PTCD3: variants seen among roughly 807,000 people sequenced by gnomAD.
PTCD3 encodes the protein pentatricopeptide repeat domain 3.
PTCD3 carries 89 observed loss-of-function variants against 101.9 expected under a neutral mutation model. The ratio of observed to expected loss-of-function variants is 0.87; its 90% CI spans 0.74 to 1.04. The LOEUF is 1.04. PTCD3 is among the 50% of genes least tolerant of loss of function. The probability of loss-of-function intolerance (pLI) is 0.00; values close to 1 mark genes in which losing one functional copy is unlikely to be tolerated. For missense variants in PTCD3, 870 were observed against 828.2 expected (o/e 1.05, Z -0.62); for synonymous variants, 296 against 278.5 (o/e 1.06, Z -0.63).
rs1301166046 is a variant in PTCD3, at chr2:86,137,864, C to T, written c.*305C>T. ...GGATAAGCCTGCACACCTAGAGTGT[C>T]GGTGAGCTGACCTCACGATGCTGTC... is the stretch of plus-strand genomic sequence containing the variant. On this transcript the variant is annotated 3_prime_UTR_variant, in exon 24 of 24. Transcript: ENST00000254630. The T allele has an allele frequency of 6.5e-6, 2 of 308,474 alleles. No individual in the cohort carries two copies. The highest frequency in any genetic ancestry group is 1.3e-5 in the Non-Finnish European group (2 of 155,948). The allele number at this position is 308,474 out of a possible 1,614,324, so 19.1% of individuals were successfully genotyped here. A position where few individuals can be genotyped will look rare whatever the true frequency, so the allele number is the denominator to read the frequency against.
At chr2:86,125,397 A>G (rs1161217668) in intron 10 of PTCD3, 58 bp from the exon 11 acceptor site, 1 of 1,522,584 alleles carries the variant, frequency 6.6e-7, no homozygotes, top group East Asian at 2.2e-5. Context: ...TAGGACAGAA[A>G]TGTGCAAGGA....
At position 86,136,550 on chromosome 2, in the gene PTCD3, A is replaced by G; in HGVS notation, c.1808A>G (p.Asn603Ser). 6.2e-7 allele frequency: 1 copy of G among 1,612,598 alleles called. No homozygotes were observed. Among genetic ancestry groups the G allele is most frequent in the Non-Finnish European group, 8.5e-7 (1 of 1,178,594 alleles). Reference sequence around the variant, plus strand: ...ATGTTGGGGCTTTTCAGGAAGCATAATAAGATTCCTAGGTAAGTTGAAATC... The same window carrying G: ...ATGTTGGGGCTTTTCAGGAAGCATAGTAAGATTCCTAGGTAAGTTGAAATC... ...WKMLGLFRKHNKIPRSELLNE... is the reference protein window; with the variant it reads ...WKMLGLFRKHSKIPRSELLNE... The change falls in exon 22 of 24, where the codon AAT (asparagine) becomes AGT (serine). Residue 603 changes from asparagine (N) to serine (S), a missense_variant. Physicochemically the swap from Asn to Ser is conservative, Grantham distance 46. Transcript: ENST00000254630.
At chr2:86,127,738 C>A in intron 13 of PTCD3, 1 of 571,216 alleles carries the variant, frequency 1.8e-6, no homozygotes, top group Non-Finnish European at 3.1e-6. Context: ...TTTGGACTTT[C>A]AAAAAGTGAT....
rs1472291005 is a variant in PTCD3 at position 86,117,067 on chromosome 2, C to G, written c.322C>G (p.Leu108Val). 5 of 1,330,140 alleles carry G rather than the reference C, an allele frequency of 3.8e-6. No homozygotes were observed. The Admixed American group carries it at 5.1e-5, about 13-fold the overall frequency. 82.4% of individuals were successfully genotyped at this position (1,330,140 alleles called of 1,614,324 possible). A position where few individuals can be genotyped will look rare whatever the true frequency, so the allele number is the denominator to read the frequency against. The change falls in exon 6 of 24, where the codon CTG (leucine) becomes GTG (valine). Residue 108 changes from leucine (L) to valine (V), a missense_variant. Leu to Val is a conservative substitution (Grantham distance 32). Transcript: ENST00000254630. ...TTTCTTTATATAGCGTTCATTTTTA[C>G]TGGCAAAGAAATCCGGGGAGAATGT... ...ASSLESRSFL[L>V]AKKSGENVAK...
At chr2:86,136,064 A>G in intron 21 of PTCD3, 1 of 517,914 alleles carries the variant, frequency 1.9e-6, no homozygotes, top group Non-Finnish European at 3.9e-6. Context: ...AAGAGAGGGA[A>G]ACAGCAGGTT....
rs1199467623 is a variant in PTCD3, at chr2:86,128,013, G to A, written c.1147+22G>A. On this transcript the variant is annotated intron_variant, in intron 14 of 23. Transcript: ENST00000254630. ...CCTGGTATGTATGGCCTTAAATTGT[G>A]TTAATTTATATAGAAAATTGACCAG... 1.9e-6 allele frequency: 3 copies of A among 1,559,048 alleles called. No individual in the cohort carries two copies. The African/African-American group carries it at 4.1e-5, about 21-fold the overall frequency.
chr2:86,118,070 C>T (rs997699829), intron 6 of PTCD3, among the ~76,000 whole-genome samples: 9 of 152,160 alleles, frequency 5.9e-5, no homozygotes, highest in South Asian at 4.1e-4. Context: ...CCACCGTGTC[C>T]GGCCTTGATC....
At chr2:86,121,425 CTTTAGT>C (rs747384002) in intron 7 of PTCD3, 48 bp from the exon 8 acceptor site, 11 of 1,133,548 alleles carry the variant, frequency 9.7e-6, no homozygotes, top group Non-Finnish European at 1.3e-5. Flanking sequence ...ACCTAACAGG[CTTTAGT>C]TCTTCATTGT....
chr2:86,135,748 A>C, intron 21 of PTCD3: 1 of 340,660 alleles, frequency 2.9e-6, no homozygotes, highest in Non-Finnish European at 5.7e-6. Flanking sequence ...AAGATGATGA[A>C]GGCTTGTCTT....
chr2:86,110,934 A>AG (rs1558792978), intron 3 of PTCD3, 179 bp from the exon 4 acceptor site: 1 of 752,070 alleles, frequency 1.3e-6, no homozygotes, highest in African/African-American at 1.7e-5. Context: ...TGTACCAACT[A>AG]GGGGAAAGAA....
chr2:86,131,747 A>G (rs529953855), intron 16 of PTCD3, among the ~76,000 whole-genome samples: 1 of 152,366 alleles, frequency 6.6e-6, no homozygotes, highest in Admixed American at 6.5e-5. Flanking sequence ...TAATTGCTTT[A>G]CTATTAGATT....
chr2:86,134,455 C>A, intron 20 of PTCD3, 78 bp downstream of exon 20: 1 of 1,221,814 alleles, frequency 8.2e-7, no homozygotes, highest in Non-Finnish European at 1.2e-6. Flanking sequence ...GTTTTATCTG[C>A]CATTTTGGAG....
chr2:86,111,172 TG>T lies in PTCD3; in HGVS notation c.240+15del, dbSNP rs1254883249. On this transcript the variant is annotated intron_variant, in intron 4 of 23. Transcript: ENST00000254630. ...ACAGTAAACAGGGTAAGTAGGATTT[TG>T]TGTTTTTTTTTAACCTAAAACTTGG... is the stretch of plus-strand genomic sequence containing the variant. The T allele has an allele frequency of 6.2e-7, 1 of 1,610,162 alleles. No homozygotes were observed. The highest frequency in any genetic ancestry group is 8.5e-7 in the Non-Finnish European group (1 of 1,176,986).
chr2:86,135,131 CTT>C lies in PTCD3; in HGVS notation c.1778+147_1778+148del, dbSNP rs920666663. The C allele has an allele frequency of 1.2e-5, 11 of 894,946 alleles. No individual in the cohort carries two copies. The Admixed American group carries it at 3.1e-4, about 25-fold the overall frequency. The allele number at this position is 894,946 out of a possible 1,614,324, so 55.4% of individuals were successfully genotyped here. A position where few individuals can be genotyped will look rare whatever the true frequency, so the allele number is the denominator to read the frequency against. On this transcript the variant is annotated intron_variant, in intron 21 of 23. Transcript: ENST00000254630. ...TTGCAAATACCAACTAAAAAGCAAA[CTT>C]TTGGAAGAAGACAGTATGCATGATG...
At chr2:86,109,386 G>A (rs1363665863) in intron 3 of PTCD3, among the ~76,000 whole-genome samples, 2 of 143,748 alleles carry the variant, frequency 1.4e-5, no homozygotes, top group Admixed American at 7.2e-5. Context: ...CAGCCTGGGC[G>A]ACAGAGCAAG....
At chr2:86,131,725 C>G (rs1367050139) in intron 16 of PTCD3, among the ~76,000 whole-genome samples, 1 of 152,090 alleles carries the variant, frequency 6.6e-6, no homozygotes, top group African/African-American at 2.4e-5. Flanking sequence ...ACCTTGTTCC[C>G]TAAGGGTAAT....
rs1464147795 is a variant in PTCD3 at position 86,130,746 on chromosome 2, A to G, written c.1237+9A>G. 1 of 1,612,986 alleles carries G rather than the reference A, an allele frequency of 6.2e-7. No homozygotes were observed. Among genetic ancestry groups the G allele is most frequent in the East Asian group, 2.2e-5 (1 of 44,876 alleles). On this transcript the variant is annotated intron_variant, in intron 15 of 23. Transcript: ENST00000254630. ...AAAGGACCCGGATGATGGCATGTAT[A>G]GAAATCACTTGTGTTTTCCTCCTCT... is the stretch of plus-strand genomic sequence containing the variant.
In PTCD3 at chr2:86,141,313, C is replaced by T. The variant is rs1674680792; in HGVS notation, c.*3754C>T. On this transcript the variant is annotated 3_prime_UTR_variant, in exon 24 of 24. Coordinates refer to ENST00000254630, the MANE Select transcript of PTCD3 (RefSeq NM_017952.6). Reference sequence around the variant, plus strand: ...ATCAATGGGAAGGAAACCAGGGAAGCATAGACCTATAGTACAACAGGGGTG... The same window carrying T: ...ATCAATGGGAAGGAAACCAGGGAAGTATAGACCTATAGTACAACAGGGGTG... 2 of 152,248 alleles carry T rather than the reference C, an allele frequency of 1.3e-5. No individual in the cohort carries two copies. The highest frequency in any genetic ancestry group is 2.9e-5 in the Non-Finnish European group (2 of 68,058). The allele number at this position is 152,248 out of a possible 1,614,324, so 9.4% of individuals were successfully genotyped here. A position where few individuals can be genotyped will look rare whatever the true frequency, so the allele number is the denominator to read the frequency against.
chr2:86,123,708 A>G lies in PTCD3; in HGVS notation c.662A>G (p.Glu221Gly). The G allele has an allele frequency of 1.3e-6, 2 of 1,591,452 alleles. No individual in the cohort carries two copies. Among genetic ancestry groups the G allele is most frequent in the Non-Finnish European group, 1.7e-6 (2 of 1,171,284 alleles). ...QTGQSEALEE[E>G]NDETSRRKAG... The stretch of plus-strand genomic sequence containing the variant: ...GATGATTATTCATTTCAGGAAGAGG[A>G]AAATGATGAGACATCTAGGAGGAAA... The change falls in exon 9 of 24, where the codon GAA becomes GGA. Residue 221 changes from glutamate (E) to glycine (G), a missense_variant. Transcript: ENST00000254630.
Sources: allele counts gnomAD v4.1 joint callset (sites outside exome capture counted in the v4.1 genomes callset), GRCh38; gene constraint gnomAD v4.1.1; transcripts MANE v1.5; gene names NCBI Gene and HGNC (gene_info 2026-07-23, HGNC 2026-07-21).